Variants in ABLIM3 observed in about 807,000 individuals in gnomAD.
The protein encoded by ABLIM3 is actin-binding LIM protein 3.
In ABLIM3, 61 loss-of-function variants were observed where a neutral mutation model predicts 109.5. The observed-to-expected ratio is 0.56, with a 90% CI of 0.45 to 0.69. The LOEUF is 0.69. Ranked by LOEUF, ABLIM3 falls within the 30% of genes least tolerant of loss-of-function variation. The pLI, the probability that ABLIM3 is intolerant of heterozygous loss-of-function variation, is 0.00. For missense variants in ABLIM3, 796 were observed against 889.5 expected (o/e 0.89, Z 1.34); for synonymous variants, 300 against 324.8 (o/e 0.92, Z 0.82).
intron 2 of ABLIM3, among the ~76,000 whole-genome samples, chr5:149,162,797 T>A (rs1400782601): frequency 6.6e-6 from 1 of 152,214 alleles, no homozygotes; most frequent in Non-Finnish European, 1.5e-5. Context: ...TTTCTCCTGA[T>A]GGCTAACCTG....
At chr5:149,195,513 C>G (rs1045031059) in intron 3 of ABLIM3, among the ~76,000 whole-genome samples, 5 of 152,156 alleles carry the variant, frequency 3.3e-5, no homozygotes, top group Admixed American at 3.3e-4. Flanking sequence ...TCCTTCAGCT[C>G]CTTGGGGGCA....
chr5:149,142,123 C>T lies in ABLIM3; in HGVS notation c.13+15C>T, dbSNP rs747497763. 21 of 1,612,106 alleles carry T rather than the reference C, an allele frequency of 1.3e-5. No individual in the cohort carries two copies. The South Asian group carries it at 2.0e-4, about 15-fold the overall frequency. ...GAACACTAGCAGTAAGTGGATCCTC[C>T]TCTCCTTTGCCATGGGAACAGGGGT... On this transcript the variant is annotated intron_variant, in intron 2 of 23. Transcript: ENST00000309868.
chr5:149,245,644 G>A (rs1391520938), intron 16 of ABLIM3, among the ~76,000 whole-genome samples: 1 of 149,944 alleles, frequency 6.7e-6, no homozygotes, highest in Non-Finnish European at 1.5e-5. Context: ...TTGGCTGTAG[G>A]GTAAAAAATG....
In ABLIM3 at chr5:149,246,410, A is replaced by T. The variant is rs76694892; in HGVS notation, c.1487-72A>T. 228 of 280,368 alleles carry T rather than the reference A, an allele frequency of 8.1e-4. 1 individual carries two copies. Among genetic ancestry groups the T allele is most frequent in the Middle Eastern group, 2.1e-3 (4 of 1,944 alleles). The allele number at this position is 280,368 out of a possible 1,614,324, so 17.4% of individuals were successfully genotyped here. On this transcript the variant is annotated intron_variant, in intron 16 of 23. Coordinates refer to ENST00000309868, the MANE Select transcript of ABLIM3 (RefSeq NM_014945.5). The stretch of plus-strand genomic sequence containing the variant: ...GAAAGAAAAGTGGCTTTTCTTTTTT[A>T]AAAAAAAAATGCCTTAAGCCAGGCT...
At chr5:149,178,031 C>G (rs1456136522) in intron 2 of ABLIM3, among the ~76,000 whole-genome samples, 1 of 152,168 alleles carries the variant, frequency 6.6e-6, no homozygotes, top group African/African-American at 2.4e-5. Context: ...ATTCCTTACC[C>G]GCTGTGTCGT....
intron 3 of ABLIM3, among the ~76,000 whole-genome samples, chr5:149,183,971 GTTTT>G: frequency 1.4e-5 from 2 of 144,708 alleles, no homozygotes; most frequent in East Asian, 2.0e-4. Context: ...TTGTTTTTTG[GTTTT>G]TTTTTTTTTG....
At chr5:149,153,141 G>A (rs1023399009) in intron 2 of ABLIM3, among the ~76,000 whole-genome samples, 1 of 152,002 alleles carries the variant, frequency 6.6e-6, no homozygotes, top group South Asian at 2.1e-4. Flanking sequence ...TGCTAAGATG[G>A]CTACTAGAAT....
intron 7 of ABLIM3, among the ~76,000 whole-genome samples, chr5:149,214,864 T>C (rs147457599): frequency 1.3e-5 from 2 of 152,300 alleles, no homozygotes; most frequent in African/African-American, 4.8e-5. Context: ...TTTTTGAACC[T>C]GGTTTGCTGT....
intron 2 of ABLIM3, among the ~76,000 whole-genome samples, chr5:149,161,676 C>T (rs984300309): frequency 2.0e-5 from 3 of 152,126 alleles, no homozygotes; most frequent in Admixed American, 6.5e-5. Flanking sequence ...AAGTGAAAAT[C>T]GTTGTGTGTT....
At chr5:149,190,143 G>A (rs375537854) in intron 3 of ABLIM3, among the ~76,000 whole-genome samples, 13 of 152,162 alleles carry the variant, frequency 8.5e-5, no homozygotes, top group African/African-American at 2.9e-4. Flanking sequence ...TGTATGAAAT[G>A]CTCAAAACAG....
chr5:149,251,845 G>A (rs1753958346), intron 21 of ABLIM3, among the ~76,000 whole-genome samples: 1 of 152,216 alleles, frequency 6.6e-6, no homozygotes, highest in Non-Finnish European at 1.5e-5. Flanking sequence ...GCAAGCTCAG[G>A]CAGAAGGGGC....
intron 3 of ABLIM3, among the ~76,000 whole-genome samples, chr5:149,185,790 T>C (rs898486677): frequency 2.0e-5 from 3 of 152,224 alleles, no homozygotes; most frequent in African/African-American, 7.2e-5. Context: ...CTTTTACGAC[T>C]CTTTTAACAT....
At position 149,233,246 on chromosome 5, in the gene ABLIM3, A is replaced by C; in HGVS notation, c.834A>C (p.Glu278Asp). The change falls in exon 10 of 24, where the codon GAA (glutamate) becomes GAC (aspartate). Residue 278 changes from glutamate (E) to aspartate (D), a missense_variant. By Grantham distance (45) the Glu-to-Asp change is conservative (BLOSUM62 2). Coordinates refer to ENST00000309868, the MANE Select transcript of ABLIM3 (RefSeq NM_014945.5). ...TCTCACAGCATAGACGGACATCTGA[A>C]ACCTCCATCTCACCCCCTGGATCCA... ...EKKLKHRRTSETSISPPGSSI... is the reference protein window; with the variant it reads ...EKKLKHRRTSDTSISPPGSSI... 6.2e-7 allele frequency: 1 copy of C among 1,614,138 alleles called. No homozygotes were observed. Among genetic ancestry groups the C allele is most frequent in the Non-Finnish European group, 8.5e-7 (1 of 1,180,006 alleles).
At chr5:149,246,003 A>T (rs1238090033) in intron 16 of ABLIM3, among the ~76,000 whole-genome samples, 1 of 152,116 alleles carries the variant, frequency 6.6e-6, no homozygotes, top group Admixed American at 6.6e-5. Context: ...CTACAAAAAA[A>T]TTTTTAAAAA....
intron 3 of ABLIM3, 37 bp downstream of exon 3, chr5:149,183,626 C>T (rs778034619): frequency 4.7e-6 from 7 of 1,492,688 alleles, no homozygotes; most frequent in Non-Finnish European, 6.2e-6. Context: ...TTCTTAGATT[C>T]CTGACCATTC....
chr5:149,230,758 G>A, intron 9 of ABLIM3, 51 bp downstream of exon 9: 3 of 1,600,154 alleles, frequency 1.9e-6, no homozygotes, highest in Non-Finnish European at 2.6e-6. Flanking sequence ...GCTACTTTCT[G>A]CCACAGGCTA....
intron 3 of ABLIM3, among the ~76,000 whole-genome samples, chr5:149,188,002 A>G (rs114702408): frequency 0.05 from 7,595 of 152,208 alleles, 569 homozygotes; most frequent in African/African-American, 0.17. Context: ...TTCTATAGTA[A>G]TAACTTGCCT....
At chr5:149,193,131 T>G (rs1221898464) in intron 3 of ABLIM3, among the ~76,000 whole-genome samples, 1 of 152,106 alleles carries the variant, frequency 6.6e-6, no homozygotes, top group African/African-American at 2.4e-5. Flanking sequence ...ATGGGATAAT[T>G]GGAAAACTTG....
At position 149,259,547 on chromosome 5, in the gene ABLIM3, G is replaced by A. The variant is rs1307999405; in HGVS notation, c.*1143G>A. 2 of 1,536,206 alleles carry A rather than the reference G, an allele frequency of 1.3e-6. No individual in the cohort carries two copies. Among genetic ancestry groups the A allele is most frequent in the Non-Finnish European group, 8.7e-7 (1 of 1,146,966 alleles). ...TGCAAAGTTGGCCATGTTTCACAGG[G>A]AAACTTTTGGAAGAGTGGCTGCTTA... On this transcript the variant is annotated 3_prime_UTR_variant, in exon 24 of 24. Transcript: ENST00000309868.
Sources: allele counts gnomAD v4.1 joint callset (sites outside exome capture counted in the v4.1 genomes callset), GRCh38; gene constraint gnomAD v4.1.1; transcripts MANE v1.5; gene names NCBI Gene and HGNC (gene_info 2026-07-23, HGNC 2026-07-21).